Variants in DAB1 observed in about 807,000 individuals in gnomAD.
DAB1 encodes disabled homolog 1.
Under a neutral mutation model 64.6 loss-of-function variants are expected in DAB1, and 15 were observed. The ratio of observed to expected loss-of-function variants is 0.23; its 90% CI spans 0.16 to 0.36. The LOEUF (loss-of-function observed/expected upper bound fraction) is 0.36. DAB1 is among the 10% of genes least tolerant of loss of function. The pLI is 1.00. For synonymous variants in DAB1, 235 were observed against 251.9 expected, an observed-to-expected ratio of 0.93 and a Z score of 0.64; for missense variants, 596 against 706.7, an observed-to-expected ratio of 0.84 and a Z score of 1.78.
chr1:57,454,508 A>G (rs908754882), intron 7 of DAB1, among the ~76,000 whole-genome samples: 4 of 151,976 alleles, frequency 2.6e-5, no homozygotes, highest in African/African-American at 9.7e-5. Flanking sequence ...CTACTTGAGG[A>G]TGGAGGGTGG....
At chr1:57,554,787 G>A (rs1644967518) in intron 7 of DAB1, among the ~76,000 whole-genome samples, 2 of 152,138 alleles carry the variant, frequency 1.3e-5, no homozygotes, top group Non-Finnish European at 2.9e-5. Context: ...AATATTTTGA[G>A]TGTTCCACTT....
intron 4 of DAB1, among the ~76,000 whole-genome samples, chr1:58,217,836 G>A (rs1046143781): frequency 9.9e-5 from 15 of 151,976 alleles, no homozygotes; most frequent in African/African-American, 3.4e-4. Context: ...ACAGAGCCCG[G>A]CACTTGGTAT....
chr1:57,859,803 G>A (rs1174795090), intron 1 of DAB1, among the ~76,000 whole-genome samples: 3 of 152,182 alleles, frequency 2.0e-5, no homozygotes, highest in Admixed American at 6.5e-5. Flanking sequence ...GGACTTCAAT[G>A]TATCTCAAAT....
chr1:57,069,375 T>C lies in DAB1; in HGVS notation c.648A>G (p.Glu216=), dbSNP rs752870823. The C allele has an allele frequency of 3.1e-5, 50 of 1,613,392 alleles. No individual in the cohort carries two copies. The East Asian group carries it at 1.1e-3, about 36-fold the overall frequency. Residue 216 remains glutamate, a synonymous_variant, in exon 8 of 15, where the codon GAA becomes GAG. Coordinates refer to ENST00000371236, the MANE Select transcript of DAB1 (RefSeq NM_001365792.1). The part of the protein sequence containing the change: ...GHEPIRDPET[E]ENIYQVPTSQ... ...AATTTTATACCTGATAAATGTTTTC[T>C]TCCGTTTCGGGATCACGGATTGGCT...
intron 4 of DAB1, among the ~76,000 whole-genome samples, chr1:58,178,957 T>C (rs1280750819): frequency 6.6e-6 from 1 of 152,146 alleles, no homozygotes; most frequent in East Asian, 1.9e-4. Flanking sequence ...GCTTTTAAGA[T>C]AGAAGGTTAG....
chr1:58,253,619 A>G (rs1660855470), intron 4 of DAB1, among the ~76,000 whole-genome samples: 1 of 152,254 alleles, frequency 6.6e-6, no homozygotes, highest in Non-Finnish European at 1.5e-5. Context: ...TTCCTGTGAT[A>G]TTCACAAGAA....
At chr1:57,346,354 G>A (rs756259203) in intron 1 of DAB1, among the ~76,000 whole-genome samples, 7 of 152,304 alleles carry the variant, frequency 4.6e-5, no homozygotes, top group Admixed American at 1.3e-4. Context: ...AAGAGATTTT[G>A]ATGTGAAGGC....
rs188662698 is a variant in DAB1 at position 57,362,374 on chromosome 1, C to T, written c.-137+61556G>A. Among the ~76,000 whole-genome samples, 9 of 152,202 alleles carry T rather than the reference C, an allele frequency of 5.9e-5. No homozygotes were observed. In the East Asian group the frequency reaches 1.5e-3, roughly 26 times the overall value. On this transcript the variant is annotated intron_variant, in intron 1 of 14. Transcript: ENST00000371236. ...TTATTCAATAATTCTAAACTTTCTG[C>T]AATTTACTTAGGAGCATTACTCCTA...
At chr1:58,299,096 CT>C (rs148696055) in intron 4 of DAB1, among the ~76,000 whole-genome samples, 1,659 of 152,294 alleles carry the variant, frequency 0.011, 17 homozygotes, top group Middle Eastern at 0.044. Context: ...GAAATTCTGT[CT>C]GTATTGGACT....
chr1:57,287,674 A>C (rs1672425873), intron 2 of DAB1, among the ~76,000 whole-genome samples: 3 of 152,186 alleles, frequency 2.0e-5, no homozygotes, highest in African/African-American at 7.2e-5. Flanking sequence ...AAGTTGTATT[A>C]ATTTTGTCCA....
At chr1:57,192,633 C>A (rs1031652233) in intron 2 of DAB1, among the ~76,000 whole-genome samples, 6 of 152,168 alleles carry the variant, frequency 3.9e-5, no homozygotes, top group Non-Finnish European at 8.8e-5. Flanking sequence ...CTGCAATCTC[C>A]CTTCTGTGTT....
rs573448239 is a variant in DAB1 at position 58,397,783 on chromosome 1, G to A, written n.258-54380C>T. Among the ~76,000 whole-genome samples, 400 of 152,294 alleles carry A rather than the reference G, an allele frequency of 2.6e-3. 1 individual carries two copies. Among genetic ancestry groups the A allele is most frequent in the African/African-American group, 9.1e-3 (378 of 41,546 alleles). The stretch of plus-strand genomic sequence containing the variant: ...CGCATCAAAGTATTCACCACGTCCT[G>A]TGGATTTGATCTCCTTAACATGTCT... On this transcript the variant is annotated intron_variant and non_coding_transcript_variant, in intron 3 of 20. Transcript: ENST00000485760.
chr1:57,084,712 C>T (rs756449795), intron 4 of DAB1, among the ~76,000 whole-genome samples: 11 of 152,258 alleles, frequency 7.2e-5, no homozygotes, highest in African/African-American at 9.6e-5. Flanking sequence ...CTTTTCAATG[C>T]AGAATAACAA....
At chr1:58,082,810 G>T (rs78703007) in intron 5 of DAB1, among the ~76,000 whole-genome samples, 3 of 152,252 alleles carry the variant, frequency 2.0e-5, no homozygotes, top group South Asian at 2.1e-4. Context: ...AGACAGGTGG[G>T]GGGGAGGGGT....
chr1:57,081,613 G>A (rs964472738), intron 4 of DAB1, among the ~76,000 whole-genome samples: 7 of 150,354 alleles, frequency 4.7e-5, no homozygotes, highest in South Asian at 2.1e-4. Context: ...ACTTTTTGAG[G>A]TGAGTTTTCC....
intron 3 of DAB1, among the ~76,000 whole-genome samples, chr1:58,441,657 G>C (rs1645009403): frequency 6.6e-6 from 1 of 152,170 alleles, no homozygotes; most frequent in African/African-American, 2.4e-5. Context: ...TTCTGTGTCT[G>C]ACATTTCTCT....
rs1183808924 is a variant in DAB1 at position 56,994,909 on chromosome 1, T to C, written c.*3235A>G. 1 of 152,218 alleles carries C rather than the reference T, an allele frequency of 6.6e-6. No individual in the cohort carries two copies. The highest frequency in any genetic ancestry group is 1.5e-5 in the Non-Finnish European group (1 of 68,056). The allele number at this position is 152,218 out of a possible 1,614,324, so 9.4% of individuals were successfully genotyped here. ...AAGTTAAAAATAATGTGTCCATATA[T>C]GTTAACAAACTGTCATCTGAGGTAA... is the stretch of plus-strand genomic sequence containing the variant. On this transcript the variant is annotated 3_prime_UTR_variant, in exon 15 of 15. Coordinates refer to ENST00000371236, the MANE Select transcript of DAB1 (RefSeq NM_001365792.1).
At chr1:58,499,509 A>ATAGATAGATAGATAG (rs776144705) in intron 3 of DAB1, among the ~76,000 whole-genome samples, 4 of 42,854 alleles carry the variant, frequency 9.3e-5, no homozygotes, top group Admixed American at 2.5e-4. Flanking sequence ...TAGATAGATA[A>ATAGATAGATAGATAG]ATAGATAGAT....
intron 4 of DAB1, among the ~76,000 whole-genome samples, chr1:58,179,045 G>A (rs1410069656): frequency 1.3e-5 from 2 of 152,082 alleles, no homozygotes; most frequent in East Asian, 1.9e-4. Flanking sequence ...TAGTAAATGG[G>A]TGTTGAATTT....
Sources: allele counts gnomAD v4.1 joint callset (sites outside exome capture counted in the v4.1 genomes callset), GRCh38; gene constraint gnomAD v4.1.1; transcripts MANE v1.5; gene names NCBI Gene and HGNC (gene_info 2026-07-23, HGNC 2026-07-21).